The following UBAP2 variants were observed in gnomAD, a reference collection of about 807,000 sequenced individuals.
UBAP2 encodes the protein ubiquitin-associated protein 2.
A neutral mutation model predicts 139.6 loss-of-function variants in UBAP2; 75 were observed. That is an observed-to-expected ratio of 0.54 (90% CI 0.45 to 0.65). The LOEUF (loss-of-function observed/expected upper bound fraction) is 0.65. Ranked by LOEUF, UBAP2 falls within the 30% of genes least tolerant of loss-of-function variation. The pLI is 0.00. For missense variants in UBAP2, 1,368 were observed against 1,369.6 expected (o/e 1.00, Z 0.02); for synonymous variants, 526 against 526.2 (o/e 1.00, Z 0.01).
At chr9:34,048,343 C>T (rs1827795929) in intron 1 of UBAP2, among the ~76,000 whole-genome samples, 2 of 152,162 alleles carry the variant, frequency 1.3e-5, no homozygotes, top group African/African-American at 4.8e-5. Context: ...TGAACTGTGA[C>T]TCCGGGTAAG....
chr9:33,926,872 C>T, intron 21 of UBAP2, 117 bp downstream of exon 21: 1 of 1,095,626 alleles, frequency 9.1e-7, no homozygotes. Context: ...CGGGGGTGCT[C>T]AGGGATGGAA....
intron 2 of UBAP2, among the ~76,000 whole-genome samples, chr9:34,004,165 A>G (rs1031831302): frequency 6.6e-6 from 1 of 152,244 alleles, no homozygotes; most frequent in Admixed American, 6.5e-5. Flanking sequence ...ACGAGCAGTA[A>G]ATAAGAGAAC....
intron 21 of UBAP2, 137 bp from the exon 22 acceptor site, chr9:33,926,801 C>A (rs902964738): frequency 1.9e-6 from 2 of 1,043,232 alleles, no homozygotes; most frequent in African/African-American, 3.1e-5. Context: ...GTTACGGGAA[C>A]AGATCCTGCC....
At chr9:33,933,934 G>A (rs546368508) in intron 17 of UBAP2, 2 of 252,426 alleles carry the variant, frequency 7.9e-6, no homozygotes, top group South Asian at 7.7e-5. Context: ...AACCTAAGCT[G>A]TAGATGCATC....
rs370535058 is a variant in UBAP2, at chr9:33,938,882, ACT to A, written c.1929+2765_1929+2766del. 117 of 455,176 alleles carry A rather than the reference ACT, an allele frequency of 2.6e-4. 1 individual carries two copies. The highest frequency in any genetic ancestry group is 8.6e-4 in the South Asian group (55 of 64,292). The allele number at this position is 455,176 out of a possible 1,614,324, so 28.2% of individuals were successfully genotyped here. A position where few individuals can be genotyped will look rare whatever the true frequency, so the allele number is the denominator to read the frequency against. On this transcript the variant is annotated intron_variant, in intron 16 of 28. Transcript: ENST00000379238. Reference sequence around the variant, plus strand: ...TCAGTGCCCATCTGTCAGGATATAGACTCTAACTTATTTCTGTCAAAGCATCT... The same window carrying A: ...TCAGTGCCCATCTGTCAGGATATAGACTAACTTATTTCTGTCAAAGCATCT...
intron 1 of UBAP2, among the ~76,000 whole-genome samples, chr9:34,045,058 T>TA (rs767671678): frequency 4.6e-5 from 7 of 150,712 alleles, no homozygotes; most frequent in Non-Finnish European, 5.9e-5. Flanking sequence ...TACAAACGGG[T>TA]AAAAAAAGGC....
intron 1 of UBAP2, among the ~76,000 whole-genome samples, chr9:34,018,227 CA>C (rs1190986838): frequency 1.4e-5 from 1 of 69,212 alleles, no homozygotes; most frequent in Non-Finnish European, 3.4e-5. Flanking sequence ...ATAGCGATTA[CA>C]ATTTTTTTTT....
intron 4 of UBAP2, among the ~76,000 whole-genome samples, chr9:33,992,531 G>T (rs938571142): frequency 3.3e-5 from 5 of 151,844 alleles, no homozygotes; most frequent in Non-Finnish European, 7.4e-5. Context: ...TTGCACTCCA[G>T]CCTGGGTGAC....
intron 10 of UBAP2, among the ~76,000 whole-genome samples, chr9:33,960,362 T>TA (rs1001615585): frequency 1.3e-5 from 2 of 152,072 alleles, no homozygotes; most frequent in African/African-American, 4.8e-5. Flanking sequence ...AAGCATCTGC[T>TA]AAAAAAGCCA....
intron 16 of UBAP2, among the ~76,000 whole-genome samples, chr9:33,936,450 C>T (rs886075177): frequency 2.6e-5 from 4 of 151,714 alleles, no homozygotes; most frequent in African/African-American, 7.3e-5. Context: ...CGCACCACTA[C>T]ACCAGGCTAA....
At position 33,930,707 on chromosome 9, in the gene UBAP2, C is replaced by A. The variant is rs147710199; in HGVS notation, c.2175+1855G>T. Among the ~76,000 whole-genome samples the A allele has an allele frequency of 2.8e-4, 43 of 152,038 alleles. No homozygotes were observed. In the East Asian group the frequency reaches 7.7e-3, roughly 27 times the overall value. ...GGTCAGGAGTTTGAGACCAGTCTGA[C>A]CAACATAGTGAAATCCCGTCTCTAC... is the stretch of plus-strand genomic sequence containing the variant. On this transcript the variant is annotated intron_variant, in intron 19 of 28. Transcript: ENST00000379238.
intron 3 of UBAP2, 189 bp downstream of exon 3, chr9:33,998,598 A>C: frequency 1.9e-6 from 1 of 538,828 alleles, no homozygotes; most frequent in Non-Finnish European, 3.3e-6. Context: ...AGGTGAACGT[A>C]TTCAATTCCT....
chr9:33,981,883 G>A (rs1346199483), intron 6 of UBAP2, among the ~76,000 whole-genome samples: 1 of 149,996 alleles, frequency 6.7e-6, no homozygotes, highest in Admixed American at 6.7e-5. Flanking sequence ...GAAGGAAGGG[G>A]AGAGAAGAGG....
rs7040933 is a variant in UBAP2, at chr9:33,959,428, T to G, written c.798+1398A>C. ...TCAAAGTGTGCGTCATTGTATATAG[T>G]TTTGAGGATCTGTATTTGTAACCCA... On this transcript the variant is annotated intron_variant, in intron 10 of 28. Coordinates refer to ENST00000379238, the MANE Select transcript of UBAP2 (RefSeq NM_001370062.2). Among the ~76,000 whole-genome samples the G allele has an allele frequency of 8.3e-3, 1,263 of 152,284 alleles. 14 individuals carry two copies. The highest frequency in any genetic ancestry group is 0.028 in the African/African-American group (1,160 of 41,552).
intron 3 of UBAP2, chr9:33,996,561 G>C (rs182918820): frequency 1.3e-4 from 60 of 452,534 alleles, no homozygotes; most frequent in African/African-American, 1.0e-3. Context: ...CTTCCTCCAA[G>C]TTGACCAAGG....
At chr9:34,008,043 G>T (rs2131235770) in intron 2 of UBAP2, among the ~76,000 whole-genome samples, 1 of 152,104 alleles carries the variant, frequency 6.6e-6, no homozygotes, top group Admixed American at 6.5e-5. Context: ...GCTGAGGCAG[G>T]AGAATCGCTT....
chr9:34,036,936 C>T (rs10971862), intron 1 of UBAP2, among the ~76,000 whole-genome samples: 11,556 of 150,072 alleles, frequency 0.077, 644 homozygotes, highest in Non-Finnish European at 0.12. Flanking sequence ...CCCGCCTCAG[C>T]CTCCCAAGTA....
At chr9:33,986,861 T>C in intron 5 of UBAP2, 24 bp from the exon 6 acceptor site, 1 of 1,606,742 alleles carries the variant, frequency 6.2e-7, no homozygotes, top group Non-Finnish European at 8.5e-7. Context: ...AGCAGAAAAA[T>C]CAAATTTCCA....
At chr9:33,970,815 T>C (rs1827860538) in intron 8 of UBAP2, among the ~76,000 whole-genome samples, 2 of 152,122 alleles carry the variant, frequency 1.3e-5, no homozygotes, top group Admixed American at 6.5e-5. Context: ...TTTGTTGTCA[T>C]TGTTTGAGAT....
Sources: gnomAD v4.1 joint callset for allele counts (sites outside exome capture counted in the v4.1 genomes callset) on GRCh38, gnomAD v4.1.1 for gene constraint, MANE v1.5 for transcripts, NCBI Gene and HGNC (gene_info 2026-07-23, HGNC 2026-07-21) for gene names.